The following MMD2 variants were observed in gnomAD, a reference collection of about 807,000 sequenced individuals.
The protein encoded by MMD2 is monocyte to macrophage differentiation factor 2.
MMD2 carries 30 observed loss-of-function variants against 33.5 expected under a neutral mutation model. The observed-to-expected ratio is 0.90, with a 90% CI of 0.67 to 1.22. MMD2 has a LOEUF of 1.22. Among genes scored for constraint, MMD2 ranks in the 50% most tolerant of loss-of-function variants. The pLI is 0.00. For missense variants in MMD2, 364 were observed against 325.4 expected, an observed-to-expected ratio of 1.12 and a Z score of -0.91; for synonymous variants, 129 against 123.0, an observed-to-expected ratio of 1.05 and a Z score of -0.32.
intron 2 of MMD2, among the ~76,000 whole-genome samples, chr7:4,924,354 G>A (rs906414281): frequency 8.5e-5 from 13 of 152,248 alleles, no homozygotes. Context: ...AGCCCCCGGG[G>A]TCTAACAGGT....
intron 1 of MMD2, among the ~76,000 whole-genome samples, chr7:4,932,662 G>A (rs1025054575): frequency 2.9e-4 from 43 of 148,626 alleles, no homozygotes; most frequent in African/African-American, 9.5e-4. Flanking sequence ...TTGCTCTGTC[G>A]CCCAGACTGA....
chr7:4,955,161 A>C (rs1371047228), intron 1 of MMD2, among the ~76,000 whole-genome samples: 2 of 152,146 alleles, frequency 1.3e-5, no homozygotes, highest in East Asian at 1.9e-4. Context: ...ACAGCTTAAA[A>C]CACCTTTACA....
At chr7:4,921,721 G>A (rs1028507172) in intron 2 of MMD2, among the ~76,000 whole-genome samples, 6 of 151,984 alleles carry the variant, frequency 3.9e-5, no homozygotes, top group Non-Finnish European at 8.8e-5. Flanking sequence ...GATCAGCCCA[G>A]GTGAGTCCCA....
At chr7:4,924,253 C>A (rs915236700) in intron 2 of MMD2, among the ~76,000 whole-genome samples, 1 of 152,202 alleles carries the variant, frequency 6.6e-6, no homozygotes. Context: ...GTGGTCCAGG[C>A]ACACACTAAG....
chr7:4,921,532 A>G (rs192264903), intron 2 of MMD2, among the ~76,000 whole-genome samples: 50 of 151,002 alleles, frequency 3.3e-4, no homozygotes, highest in African/African-American at 1.2e-3. Context: ...GAGGCAGGAG[A>G]ATTGCTTGAA....
rs143120789 is a variant in MMD2, at chr7:4,916,086, C to T, written c.291-7G>A. ...TAGACAGTGTTCCACCATCCTAGGG[C>T]GGCAGAGAAGCCGGCAGTCACAGCC... On this transcript the variant is annotated splice_polypyrimidine_tract_variant and splice_region_variant and intron_variant, in intron 3 of 6. Transcript: ENST00000401401. The T allele has an allele frequency of 5.3e-4, 856 of 1,613,276 alleles. 4 individuals carry two copies. In the African/African-American group the frequency reaches 9.5e-3, roughly 18 times the overall value.
intron 1 of MMD2, among the ~76,000 whole-genome samples, chr7:4,951,930 T>G (rs952423955): frequency 6.6e-6 from 1 of 151,872 alleles, no homozygotes; most frequent in African/African-American, 2.4e-5. Context: ...AGAGTCAGGG[T>G]TTCACCATGT....
downstream of MMD2, among the ~76,000 whole-genome samples, chr7:4,904,889 C>T (rs540593794): frequency 4.3e-4 from 65 of 152,266 alleles, 1 homozygote; most frequent in African/African-American, 1.4e-3. Flanking sequence ...CAAGCTGTGA[C>T]GCCGGAGGGC....
At chr7:4,928,970 C>T (rs532711672) in intron 1 of MMD2, among the ~76,000 whole-genome samples, 1 of 152,336 alleles carries the variant, frequency 6.6e-6, no homozygotes, top group South Asian at 2.1e-4. Flanking sequence ...TGTGTGCTAG[C>T]TGTATGCTAG....
At chr7:4,919,047 C>T (rs34869761) in intron 3 of MMD2, among the ~76,000 whole-genome samples, 24,947 of 149,602 alleles carry the variant, frequency 0.17, 2,284 homozygotes, top group East Asian at 0.38. Context: ...TGCAGTGAAC[C>T]GAGATGATGT....
At chr7:4,945,834 A>T (rs892619403) in intron 1 of MMD2, among the ~76,000 whole-genome samples, 1 of 150,176 alleles carries the variant, frequency 6.7e-6, no homozygotes, top group Admixed American at 6.6e-5. Context: ...CTTGGCCTCA[A>T]AGAGTGCTGG....
intron 1 of MMD2, among the ~76,000 whole-genome samples, chr7:4,938,476 T>C (rs1785813014): frequency 6.6e-6 from 1 of 152,034 alleles, no homozygotes; most frequent in Non-Finnish European, 1.5e-5. Context: ...TTTTCTCCTC[T>C]CTAAAGCCAC....
At chr7:4,912,774 C>T (rs896479014) in intron 4 of MMD2, among the ~76,000 whole-genome samples, 5 of 151,990 alleles carry the variant, frequency 3.3e-5, no homozygotes, top group African/African-American at 1.2e-4. Flanking sequence ...GAGGCAATCT[C>T]AGCTCACTGC....
At chr7:4,957,419 C>T (rs982101216) in intron 1 of MMD2, among the ~76,000 whole-genome samples, 2 of 151,608 alleles carry the variant, frequency 1.3e-5, no homozygotes, top group South Asian at 2.1e-4. Context: ...GAGGCCGAGG[C>T]GGGGGGATCA....
In MMD2 at chr7:4,940,220, C is replaced by T. The variant is rs114986216; in HGVS notation, c.48-14688G>A. On this transcript the variant is annotated intron_variant, in intron 1 of 6. Coordinates refer to ENST00000401401, the MANE Select transcript of MMD2 (RefSeq NM_198403.4). The surrounding 1 kb of genome is among the most constrained non-coding windows in gnomAD (Gnocchi z 5.0). Reference sequence around the variant, plus strand: ...GTGCAGGGTCCGGCACACCCCAGCTCCCCCGGCTCGCTCCTCCGAAGTCTG... The same window carrying T: ...GTGCAGGGTCCGGCACACCCCAGCTTCCCCGGCTCGCTCCTCCGAAGTCTG... Among the ~76,000 whole-genome samples, 1,539 of 152,214 alleles carry T rather than the reference C, an allele frequency of 0.01. 29 individuals carry two copies. The highest frequency in any genetic ancestry group is 0.036 in the African/African-American group (1,476 of 41,548).
the MMD2 span, among the ~76,000 whole-genome samples, chr7:4,892,930 G>A: frequency 6.6e-6 from 1 of 152,092 alleles, no homozygotes; most frequent in Non-Finnish European, 1.5e-5. Flanking sequence ...TGACCAGGCT[G>A]GTCTCGAACT....
rs571509598 is a variant in MMD2 at position 4,933,664 on chromosome 7, G to T, written c.48-8132C>A. The stretch of plus-strand genomic sequence containing the variant: ...AATGCATTTTTTTTTTTTTAGATAG[G>T]GTCTATCACCCTGGCTGGAGTGCAG... On this transcript the variant is annotated intron_variant, in intron 1 of 6. Coordinates refer to ENST00000401401, the MANE Select transcript of MMD2 (RefSeq NM_198403.4). Among the ~76,000 whole-genome samples, 6 of 151,744 alleles carry T rather than the reference G, an allele frequency of 4.0e-5. No homozygotes were observed. The South Asian group carries it at 1.0e-3, about 26-fold the overall frequency.
At chr7:4,928,677 T>G (rs1273151054) in intron 1 of MMD2, among the ~76,000 whole-genome samples, 1 of 151,318 alleles carries the variant, frequency 6.6e-6, no homozygotes, top group East Asian at 2.0e-4. Context: ...ACCTTCTGTG[T>G]GCTGGCTCCA....
the MMD2 span, among the ~76,000 whole-genome samples, chr7:4,895,383 G>C: frequency 6.6e-6 from 1 of 152,128 alleles, no homozygotes; most frequent in Non-Finnish European, 1.5e-5. Context: ...GCCAGCTGAA[G>C]TCTTTTTATG....
Sources: gnomAD v4.1 joint callset for allele counts (sites outside exome capture counted in the v4.1 genomes callset) on GRCh38, gnomAD v4.1.1 for gene constraint, Gnocchi (gnomAD v3.1) non-coding constraint, MANE v1.5 for transcripts, NCBI Gene and HGNC (gene_info 2026-07-23, HGNC 2026-07-21) for gene names.